XRN2: variants seen among roughly 807,000 people sequenced by gnomAD.
XRN2 encodes the protein DHM1-like protein.
XRN2 carries 44 observed loss-of-function variants against 138.5 expected under a neutral mutation model. That is an observed-to-expected ratio of 0.32 (90% CI 0.25 to 0.41). The LOEUF (loss-of-function observed/expected upper bound fraction) is 0.41. XRN2 is among the 10% of genes least tolerant of loss of function. The pLI is 1.00. For missense variants in XRN2, 937 were observed against 1,169.3 expected, an observed-to-expected ratio of 0.80 and a Z score of 2.90; for synonymous variants, 354 against 369.4, an observed-to-expected ratio of 0.96 and a Z score of 0.48.
At chr20:21,322,407 G>T (rs1200739657) in intron 1 of XRN2, among the ~76,000 whole-genome samples, 1 of 152,070 alleles carries the variant, frequency 6.6e-6, no homozygotes, top group Non-Finnish European at 1.5e-5. Flanking sequence ...ATCACCCATG[G>T]TTTGAATTTC....
At chr20:21,357,013 G>C (rs2038583860) in intron 23 of XRN2, among the ~76,000 whole-genome samples, 1 of 152,170 alleles carries the variant, frequency 6.6e-6, no homozygotes, top group Admixed American at 6.5e-5. Context: ...AAGCAGAGGA[G>C]AGTAGCTATT....
At chr20:21,304,420 C>G (rs1008566301) in intron 1 of XRN2, among the ~76,000 whole-genome samples, 1 of 151,666 alleles carries the variant, frequency 6.6e-6, no homozygotes, top group Non-Finnish European at 1.5e-5. Context: ...AGTGACATTC[C>G]CACTATTTCT....
chr20:21,359,793 A>G (rs1255180403), intron 24 of XRN2, among the ~76,000 whole-genome samples: 2 of 152,102 alleles, frequency 1.3e-5, no homozygotes, highest in Non-Finnish European at 1.5e-5. Context: ...AATTTGCTTT[A>G]TAACTTTAAC....
chr20:21,338,179 A>G (rs959710831), intron 13 of XRN2, among the ~76,000 whole-genome samples: 4 of 152,148 alleles, frequency 2.6e-5, no homozygotes, highest in Admixed American at 2.6e-4. Context: ...GACCATCAGT[A>G]TAGGATCCAC....
At chr20:21,320,640 G>A (rs1257540317) in intron 1 of XRN2, among the ~76,000 whole-genome samples, 1 of 151,898 alleles carries the variant, frequency 6.6e-6, no homozygotes, top group African/African-American at 2.4e-5. Context: ...TGTCACCCAG[G>A]TTGGAGTGCA....
At chr20:21,386,465 A>G (rs2038937741) in intron 28 of XRN2, among the ~76,000 whole-genome samples, 1 of 152,232 alleles carries the variant, frequency 6.6e-6, no homozygotes, top group Admixed American at 6.5e-5. Context: ...GGATCCAAGA[A>G]CGAGTCTGGA....
intron 13 of XRN2, among the ~76,000 whole-genome samples, chr20:21,335,421 A>G (rs1475503407): frequency 3.3e-5 from 5 of 152,218 alleles, no homozygotes; most frequent in African/African-American, 9.6e-5. Context: ...AAAATGTGTC[A>G]TTGAATCTTA....
intron 6 of XRN2, 48 bp from the exon 7 acceptor site, chr20:21,331,513 C>T: frequency 6.7e-7 from 1 of 1,483,836 alleles, no homozygotes; most frequent in African/African-American, 1.4e-5. Flanking sequence ...ATTTTTGTGC[C>T]TATAGAAAAT....
chr20:21,351,720 TTCTTACATTTAAA>T (rs2038512765), intron 20 of XRN2, among the ~76,000 whole-genome samples: 1 of 152,226 alleles, frequency 6.6e-6, no homozygotes, highest in Non-Finnish European at 1.5e-5. Context: ...ACAGTTTTAG[TTCTTACATTTAAA>T]TCTGATCCAT....
At chr20:21,329,175 T>C (rs1023358556) in intron 4 of XRN2, among the ~76,000 whole-genome samples, 2 of 152,212 alleles carry the variant, frequency 1.3e-5, no homozygotes, top group African/African-American at 4.8e-5. Context: ...TATAGGTTGA[T>C]GGAGCAGGCA....
intron 29 of XRN2, among the ~76,000 whole-genome samples, chr20:21,388,542 C>A (rs1010040174): frequency 2.6e-5 from 4 of 152,080 alleles, no homozygotes; most frequent in African/African-American, 9.7e-5. Context: ...CCAAACAAGG[C>A]CTTAGCCTGC....
Position 21,332,259 on chromosome 20 carries a change from G to GT in XRN2, c.701-19dup, listed in dbSNP as rs558147921. 1,729 of 1,602,378 alleles carry GT rather than the reference G, an allele frequency of 1.1e-3. 3 individuals carry two copies. The highest frequency in any genetic ancestry group is 1.2e-3 in the Non-Finnish European group (1,457 of 1,175,116). ...TCTCTCAGAATACTCACTGTTCGAT[G>GT]TTTTTCTCATTGTTGATTGATAGCT... On this transcript the variant is annotated intron_variant, in intron 8 of 29. Transcript: ENST00000377191.
At chr20:21,346,849 C>A (rs2038442775) in intron 17 of XRN2, among the ~76,000 whole-genome samples, 1 of 152,010 alleles carries the variant, frequency 6.6e-6, no homozygotes, top group Non-Finnish European at 1.5e-5. Flanking sequence ...AAACTCCTGA[C>A]CTCGTGATCC....
chr20:21,344,266 A>G (rs1483592681), intron 16 of XRN2, 58 bp downstream of exon 16: 1 of 1,299,040 alleles, frequency 7.7e-7, no homozygotes, highest in African/African-American at 1.5e-5. Flanking sequence ...ATGCAGTCTA[A>G]TTAATGCTAT....
intron 20 of XRN2, 138 bp downstream of exon 20, chr20:21,349,599 C>CACCACGCCAGGCTAATTTT: frequency 1.4e-6 from 1 of 728,072 alleles, no homozygotes; most frequent in Non-Finnish European, 2.2e-6. Flanking sequence ...AAAAATTAGC[C>CACCACGCCAGGCTAATTTT]TGGCGTGGTG....
At chr20:21,307,592 T>C (rs1470448429) in intron 1 of XRN2, among the ~76,000 whole-genome samples, 2 of 76,662 alleles carry the variant, frequency 2.6e-5, no homozygotes, top group African/African-American at 7.1e-5. Context: ...TGGAATGTAG[T>C]GTGCAATCAT....
chr20:21,378,752 A>G (rs546622952), intron 27 of XRN2, among the ~76,000 whole-genome samples: 3 of 152,236 alleles, frequency 2.0e-5, no homozygotes, highest in Admixed American at 2.0e-4. Context: ...TTTTAGTATC[A>G]TAATCATTTT....
intron 20 of XRN2, among the ~76,000 whole-genome samples, chr20:21,353,263 T>TCC (rs1195980113): frequency 1.4e-4 from 2 of 13,810 alleles, no homozygotes; most frequent in Non-Finnish European, 3.8e-4. Flanking sequence ...TATATATATA[T>TCC]ATCTCTTAAA....
chr20:21,365,880 AT>A (rs531904415), intron 26 of XRN2, among the ~76,000 whole-genome samples, 176 bp downstream of exon 26: 4 of 86,788 alleles, frequency 4.6e-5, no homozygotes, highest in South Asian at 2.7e-4. Flanking sequence ...TATATATAAT[AT>A]TATATAATAT....
Sources: allele counts gnomAD v4.1 joint callset (sites outside exome capture counted in the v4.1 genomes callset), GRCh38; gene constraint gnomAD v4.1.1; transcripts MANE v1.5; gene names NCBI Gene and HGNC (gene_info 2026-07-23, HGNC 2026-07-21).